The following B3GAT2 variants were observed in gnomAD, a reference collection of about 807,000 sequenced individuals.
The protein encoded by B3GAT2 is galactosylgalactosylxylosylprotein 3-beta-glucuronosyltransferase 2.
Under a neutral mutation model 27.8 loss-of-function variants are expected in B3GAT2, and 26 were observed. The ratio of observed to expected loss-of-function variants is 0.93; its 90% CI spans 0.68 to 1.30. B3GAT2 has a LOEUF of 1.30. B3GAT2 is among the 50% of genes most tolerant of loss of function. B3GAT2 has a pLI of 0.00. For synonymous variants in B3GAT2, 218 were observed against 195.1 expected, an observed-to-expected ratio of 1.12 and a Z score of -0.98; for missense variants, 458 against 459.0, an observed-to-expected ratio of 1.00 and a Z score of 0.02.
chr6:70,884,263 C>G (rs528755327), intron 2 of B3GAT2, among the ~76,000 whole-genome samples: 145 of 152,230 alleles, frequency 9.5e-4, no homozygotes, highest in African/African-American at 3.3e-3. Flanking sequence ...CTGAATTAGA[C>G]CCTCCTCAGA....
chr6:70,858,063 T>C lies in B3GAT2; in HGVS notation c.*3600A>G. On this transcript the variant is annotated 3_prime_UTR_variant, in exon 4 of 4. Coordinates refer to ENST00000230053, the MANE Select transcript of B3GAT2 (RefSeq NM_080742.3). ...ATGGGACAGAGTCCAAGCATGATGG[T>C]GGGCATGCCCATGCCCAATGGGTTT... The C allele has an allele frequency of 5.0e-6, 8 of 1,614,086 alleles. No homozygotes were observed. Among genetic ancestry groups the C allele is most frequent in the Non-Finnish European group, 6.8e-6 (8 of 1,179,998 alleles).
At chr6:70,881,521 G>T (rs367961494) in intron 2 of B3GAT2, among the ~76,000 whole-genome samples, 7 of 152,214 alleles carry the variant, frequency 4.6e-5, no homozygotes, top group African/African-American at 1.4e-4. Context: ...CACTTTGAGC[G>T]GTTTCCACAG....
intron 2 of B3GAT2, among the ~76,000 whole-genome samples, chr6:70,892,895 C>T (rs1772315819): frequency 6.6e-6 from 1 of 152,154 alleles, no homozygotes; most frequent in Non-Finnish European, 1.5e-5. Flanking sequence ...TCTCCTTCTG[C>T]CTCCAGGTGG....
intron 2 of B3GAT2, among the ~76,000 whole-genome samples, chr6:70,870,859 A>G (rs1344808339): frequency 1.3e-5 from 2 of 152,158 alleles, no homozygotes; most frequent in Non-Finnish European, 2.9e-5. Context: ...ACTATTAAAA[A>G]TGTTAGCTGT....
chr6:70,868,497 C>T (rs1030296549), intron 2 of B3GAT2, among the ~76,000 whole-genome samples: 2 of 152,214 alleles, frequency 1.3e-5, no homozygotes, highest in Admixed American at 6.5e-5. Context: ...TCTTCTCCAA[C>T]TATACATCAT....
At chr6:70,897,963 T>C (rs1772421439) in intron 1 of B3GAT2, among the ~76,000 whole-genome samples, 1 of 152,166 alleles carries the variant, frequency 6.6e-6, no homozygotes, top group East Asian at 1.9e-4. Flanking sequence ...TCTGGTCCAT[T>C]GGTCTCTTCA....
intron 1 of B3GAT2, among the ~76,000 whole-genome samples, chr6:70,939,314 A>T (rs9455267): frequency 1 from 117,016 of 117,026 alleles, 58,503 homozygotes; most frequent in Middle Eastern, 1. Context: ...GTAAACTAGT[A>T]AAACCATTGT....
intron 1 of B3GAT2, among the ~76,000 whole-genome samples, chr6:70,937,079 G>A (rs1177504140): frequency 7.2e-5 from 11 of 152,142 alleles, no homozygotes; most frequent in Admixed American, 2.6e-4. Context: ...TATCACCACC[G>A]ATCCCACAGA....
intron 2 of B3GAT2, 150 bp from the exon 3 acceptor site, chr6:70,862,128 G>GT (rs1771764224): frequency 1.5e-6 from 1 of 676,074 alleles, no homozygotes; most frequent in Admixed American, 3.0e-5. Context: ...AACATTACCT[G>GT]TATTACAGTC....
chr6:70,946,265 G>T (rs1001632177), intron 1 of B3GAT2, among the ~76,000 whole-genome samples: 7 of 152,092 alleles, frequency 4.6e-5, no homozygotes, highest in African/African-American at 1.4e-4. Context: ...CCAATTAAAA[G>T]ACACAGACTG....
rs1176935781 is a variant in B3GAT2, at chr6:70,861,866, G to A, written c.849C>T (p.Val283=). The A allele has an allele frequency of 4.3e-6, 7 of 1,613,944 alleles. No homozygotes were observed. The highest frequency in any genetic ancestry group is 3.3e-5 in the South Asian group (3 of 91,074). Reference sequence around the variant, plus strand: ...TATTTGCTTTCGGTTCCAGTTCTTCGACTGTTGTTATCTGTTTGAGAAAGT... The same window carrying A: ...TATTTGCTTTCGGTTCCAGTTCTTCAACTGTTGTTATCTGTTTGAGAAAGT... ...ESDFLKQITT[V]EELEPKANNC... is the part of the protein sequence containing the mutation. The change falls in exon 3 of 4, where the codon GTC becomes GTT. Residue 283 remains valine, a synonymous_variant. Transcript: ENST00000230053.
rs371271291 is a variant in B3GAT2 at position 70,857,902 on chromosome 6, A to G, written c.*3761T>C. On this transcript the variant is annotated 3_prime_UTR_variant, in exon 4 of 4. Coordinates refer to ENST00000230053, the MANE Select transcript of B3GAT2 (RefSeq NM_080742.3). Reference sequence around the variant, plus strand: ...ACACGTGATAGCTCTGTCTTCATTCATTTTCTTTTTGTGGTGCAGGTGTAT... The same window carrying G: ...ACACGTGATAGCTCTGTCTTCATTCGTTTTCTTTTTGTGGTGCAGGTGTAT... The G allele has an allele frequency of 4.4e-5, 71 of 1,610,366 alleles. No homozygotes were observed. In the African/African-American group the frequency reaches 8.4e-4, roughly 19 times the overall value.
chr6:70,877,999 AT>A (rs1157786966), intron 2 of B3GAT2, among the ~76,000 whole-genome samples: 1 of 152,120 alleles, frequency 6.6e-6, no homozygotes, highest in African/African-American at 2.4e-5. Flanking sequence ...CCACTTTTTA[AT>A]TATCATTATT....
At chr6:70,908,314 G>A (rs1209267357) in intron 1 of B3GAT2, among the ~76,000 whole-genome samples, 1 of 152,168 alleles carries the variant, frequency 6.6e-6, no homozygotes, top group Admixed American at 6.5e-5. Context: ...ACAGGAAAGT[G>A]GAAGCTTTCC....
At chr6:70,952,662 G>A (rs1765595664) in intron 1 of B3GAT2, among the ~76,000 whole-genome samples, 2 of 152,142 alleles carry the variant, frequency 1.3e-5, no homozygotes, top group Admixed American at 1.3e-4. Context: ...AGGAAGAAGA[G>A]GAGTAGCTGT....
chr6:70,903,830 A>T (rs1772551149), intron 1 of B3GAT2, among the ~76,000 whole-genome samples: 1 of 152,318 alleles, frequency 6.6e-6, no homozygotes, highest in East Asian at 1.9e-4. Flanking sequence ...GGGAAAAAAA[A>T]TTGGTAGTTT....
chr6:70,861,827 T>A lies in B3GAT2; in HGVS notation c.885+3A>T, dbSNP rs1224943661. The stretch of plus-strand genomic sequence containing the variant: ...GGTCGGGCAGCACAAGTGTAATGAA[T>A]ACCTTAGTGCAGTTATTTGCTTTCG... On this transcript the variant is annotated splice_donor_region_variant and intron_variant, in intron 3 of 3. Coordinates refer to ENST00000230053, the MANE Select transcript of B3GAT2 (RefSeq NM_080742.3). 6.2e-7 allele frequency: 1 copy of A among 1,614,114 alleles called. No individual in the cohort carries two copies. The highest frequency in any genetic ancestry group is 8.5e-7 in the Non-Finnish European group (1 of 1,179,976).
intron 1 of B3GAT2, among the ~76,000 whole-genome samples, chr6:70,911,784 A>C (rs891821465): frequency 2.0e-5 from 3 of 152,172 alleles, no homozygotes; most frequent in African/African-American, 7.2e-5. Flanking sequence ...CGAGCATGGA[A>C]TGAATGTTTT....
intron 1 of B3GAT2, among the ~76,000 whole-genome samples, chr6:70,896,300 G>A (rs1772384369): frequency 6.6e-6 from 1 of 152,110 alleles, no homozygotes; most frequent in Admixed American, 6.5e-5. Context: ...CTACGTCAGT[G>A]TAATAAGTCT....
Sources: gnomAD v4.1 joint callset for allele counts (sites outside exome capture counted in the v4.1 genomes callset) on GRCh38, gnomAD v4.1.1 for gene constraint, MANE v1.5 for transcripts, NCBI Gene and HGNC (gene_info 2026-07-23, HGNC 2026-07-21) for gene names.